The following ZNF142 variants were observed in gnomAD, a reference collection of about 807,000 sequenced individuals.
ZNF142 encodes the protein zinc finger protein 142, also known as zinc finger protein 142 (clone pHZ-49).
In ZNF142, 96 loss-of-function variants were observed where a neutral mutation model predicts 132.1. That is an observed-to-expected ratio of 0.73 (90% CI 0.62 to 0.86). ZNF142 has a LOEUF of 0.86. ZNF142 is among the 40% of genes least tolerant of loss of function. The pLI is 0.00. For missense variants in ZNF142, 2,163 were observed against 2,336.2 expected (o/e 0.93, Z 1.53); for synonymous variants, 842 against 890.1 (o/e 0.95, Z 0.96).
chr2:218,638,867 T>C, intron 10 of ZNF142, 59 bp from the exon 11 acceptor site: 7 of 1,343,838 alleles, frequency 5.2e-6, no homozygotes, highest in Non-Finnish European at 7.0e-6. Context: ...TACTGGGCCA[T>C]GGAGTTACTG....
chr2:218,644,488 C>A lies in ZNF142; in HGVS notation c.2628G>T (p.Gly876=). ...GRQEGSEAPH[G]GDLGGSPSPA... Reference sequence around the variant, plus strand: ...GGCTGGGACTGCCACCCAGGTCACCCCCATGGGGAGCCTCACTGCCCTCCT... The same window carrying A: ...GGCTGGGACTGCCACCCAGGTCACCACCATGGGGAGCCTCACTGCCCTCCT... Residue 876 remains glycine (G), a synonymous_variant, in exon 9 of 11, where the codon GGG becomes GGT. Coordinates refer to ENST00000411696, the MANE Select transcript of ZNF142 (RefSeq NM_001379659.1). This position sits in a 1 kb window ranked among gnomAD's most constrained non-coding sequence, Gnocchi z 4.6. The A allele has an allele frequency of 6.2e-7, 1 of 1,613,982 alleles. No individual in the cohort carries two copies. The highest frequency in any genetic ancestry group is 8.5e-7 in the Non-Finnish European group (1 of 1,180,024).
chr2:218,646,424 CA>C, intron 7 of ZNF142, 76 bp from the exon 8 acceptor site: 1 of 1,525,330 alleles, frequency 6.6e-7, no homozygotes, highest in Non-Finnish European at 8.9e-7. Context: ...TTTCTTCCAG[CA>C]AGCCTGCCCT....
chr2:218,636,751 CT>C lies in ZNF142; in HGVS notation c.*1587del. 2 of 705,810 alleles carry C rather than the reference CT, an allele frequency of 2.8e-6. No homozygotes were observed. Among genetic ancestry groups the C allele is most frequent in the Non-Finnish European group, 4.8e-6 (2 of 412,628 alleles). The allele number at this position is 705,810 out of a possible 1,614,324, so 43.7% of individuals were successfully genotyped here. ...AGCAATCTGGGACCTGATTTTCCAC[CT>C]TTTTTCTCTTTTCTTCCCTTCCTTT... On this transcript the variant is annotated 3_prime_UTR_variant, in exon 11 of 11. Coordinates refer to ENST00000411696, the MANE Select transcript of ZNF142 (RefSeq NM_001379659.1).
At chr2:218,655,941 C>G (rs1938441511) in intron 4 of ZNF142, among the ~76,000 whole-genome samples, 1 of 152,200 alleles carries the variant, frequency 6.6e-6, no homozygotes, top group Non-Finnish European at 1.5e-5. Context: ...CCTTGCAGGA[C>G]AGACTGCCAA....
In ZNF142 at chr2:218,638,305, T is replaced by C. The variant is rs368702779; in HGVS notation, c.*34A>G. 8 of 1,481,850 alleles carry C rather than the reference T, an allele frequency of 5.4e-6. No individual in the cohort carries two copies. Among genetic ancestry groups the C allele is most frequent in the Non-Finnish European group, 7.2e-6 (8 of 1,114,812 alleles). The allele number at this position is 1,481,850 out of a possible 1,614,324, so 91.8% of individuals were successfully genotyped here. A position where few individuals can be genotyped will look rare whatever the true frequency, so the allele number is the denominator to read the frequency against. ...GTCCCAGTCTGCACATCTCAGACCA[T>C]ACCCTCTTCCTATACAGGAGGTGGG... is the stretch of plus-strand genomic sequence containing the variant. On this transcript the variant is annotated 3_prime_UTR_variant, in exon 11 of 11. Coordinates refer to ENST00000411696, the MANE Select transcript of ZNF142 (RefSeq NM_001379659.1).
chr2:218,636,455 C>T lies in ZNF142; in HGVS notation c.*1884G>A, dbSNP rs749023385. ...CTCTGGCTGCCTTCCTAATGCTGTC[C>T]TCCTGCCCCTTCCAGGTTACCGCCA... is the stretch of plus-strand genomic sequence containing the variant. On this transcript the variant is annotated 3_prime_UTR_variant, in exon 11 of 11. Coordinates refer to ENST00000411696, the MANE Select transcript of ZNF142 (RefSeq NM_001379659.1). 74 of 1,613,908 alleles carry T rather than the reference C, an allele frequency of 4.6e-5. 2 individuals are homozygous for T. Among genetic ancestry groups the T allele is most frequent in the South Asian group, 4.4e-4 (40 of 91,078 alleles).
chr2:218,633,440 G>C lies in ZNF142; in HGVS notation c.*4899C>G. 2 of 809,888 alleles carry C rather than the reference G, an allele frequency of 2.5e-6. No individual in the cohort carries two copies. The highest frequency in any genetic ancestry group is 4.2e-6 in the Non-Finnish European group (2 of 479,832). The allele number at this position is 809,888 out of a possible 1,614,324, so 50.2% of individuals were successfully genotyped here. A position where few individuals can be genotyped will look rare whatever the true frequency, so the allele number is the denominator to read the frequency against. ...TATCTGTTGTCAGATTGTGGCCCAG[G>C]CTCCTATTTCCAAGCCTGAGTCCCT... On this transcript the variant is annotated 3_prime_UTR_variant, in exon 11 of 11. Coordinates refer to ENST00000411696, the MANE Select transcript of ZNF142 (RefSeq NM_001379659.1).
rs372969531 is a variant in ZNF142, at chr2:218,638,673, C to T, written c.5330G>A (p.Arg1777His). Reference protein sequence around the residue: ...CEQCGKAFKTRFLLRTHLRKH... With the variant: ...CEQCGKAFKTHFLLRTHLRKH... ...GCGAAGGTGGGTGCGCAGCAGGAAG[C>T]GCGTCTTGAAGGCCTTGCCACACTG... Residue 1777 changes from arginine to histidine, a missense_variant, in exon 11 of 11, where the codon CGC (arginine) becomes CAC (histidine). Arg to His is a conservative substitution (Grantham distance 29, BLOSUM62 0). Transcript: ENST00000411696. 28 of 1,614,066 alleles carry T rather than the reference C, an allele frequency of 1.7e-5. No individual in the cohort carries two copies. Among genetic ancestry groups the T allele is most frequent in the South Asian group, 6.6e-5 (6 of 91,090 alleles).
In ZNF142 at chr2:218,644,037, C is replaced by G. The variant is rs907230173; in HGVS notation, c.3079G>C (p.Val1027Leu). Residue 1027 changes from valine to leucine, a missense_variant, in exon 9 of 11, where the codon GTA (valine) becomes CTA (leucine). Transcript: ENST00000411696. The surrounding 1 kb of genome is among the most constrained non-coding windows in gnomAD (Gnocchi z 4.6). Reference sequence around the variant, plus strand: ...GCTCGCCCCTCTCCCTGGATCACTACCATCTGCACCCGCCCCTCTAGCACC... The same window carrying G: ...GCTCGCCCCTCTCCCTGGATCACTAGCATCTGCACCCGCCCCTCTAGCACC... The part of the protein sequence containing the change: ...ALVLEGRVQM[V>L]VIQGEGRAFR... 5 of 1,613,980 alleles carry G rather than the reference C, an allele frequency of 3.1e-6. No homozygotes were observed. The highest frequency in any genetic ancestry group is 4.2e-6 in the Non-Finnish European group (5 of 1,180,014).
In ZNF142 at chr2:218,642,538, G is replaced by A. The variant is rs200574990; in HGVS notation, c.4578C>T (p.Gly1526=). The change falls in exon 9 of 11, where the codon GGC becomes GGT. Residue 1526 remains glycine, a synonymous_variant. Transcript: ENST00000411696. The surrounding 1 kb of genome is among the most constrained non-coding windows in gnomAD (Gnocchi z 4.6). The part of the protein sequence containing the change: ...APGSPAETTE[G]PLHCSRCGLL... Reference sequence around the variant, plus strand: ...ACCCACAGCGGGAACAGTGCAGGGGGCCCTCAGTGGTCTCTGCAGGAGAGC... The same window carrying A: ...ACCCACAGCGGGAACAGTGCAGGGGACCCTCAGTGGTCTCTGCAGGAGAGC... The A allele has an allele frequency of 1.2e-6, 2 of 1,611,432 alleles. No homozygotes were observed. Among genetic ancestry groups the A allele is most frequent in the African/African-American group, 2.7e-5 (2 of 74,884 alleles).
At position 218,636,253 on chromosome 2, in the gene ZNF142, A is replaced by G; in HGVS notation, c.*2086T>C. 1 of 1,614,054 alleles carries G rather than the reference A, an allele frequency of 6.2e-7. No individual in the cohort carries two copies. The highest frequency in any genetic ancestry group is 2.2e-5 in the East Asian group (1 of 44,888). On this transcript the variant is annotated 3_prime_UTR_variant, in exon 11 of 11. Transcript: ENST00000411696. ...TGTCCACCAACTCAGGTTTTAATCC[A>G]TACTGGGGGCAGACACTATGTTTCC... is the stretch of plus-strand genomic sequence containing the variant.
chr2:218,638,242 G>A lies in ZNF142; in HGVS notation c.*97C>T, dbSNP rs557844517. On this transcript the variant is annotated 3_prime_UTR_variant, in exon 11 of 11. Transcript: ENST00000411696. ...AGTCACCCTTGTACCCCAAAAGCCAGTCTTTCCTTAGGCTCTGAGCTCCTC... is the reference window on the plus strand; with the variant it reads ...AGTCACCCTTGTACCCCAAAAGCCAATCTTTCCTTAGGCTCTGAGCTCCTC... The A allele has an allele frequency of 2.4e-6, 3 of 1,262,208 alleles. No homozygotes were observed. Among genetic ancestry groups the A allele is most frequent in the Non-Finnish European group, 3.1e-6 (3 of 964,128 alleles). 78.2% of individuals were successfully genotyped at this position (1,262,208 alleles called of 1,614,324 possible).
chr2:218,645,636 A>G (rs147037333), intron 8 of ZNF142, among the ~76,000 whole-genome samples: 94 of 152,298 alleles, frequency 6.2e-4, no homozygotes, highest in African/African-American at 1.9e-3. Context: ...CTGTAGGTCT[A>G]TACTCCCTTC....
At chr2:218,647,801 T>G (rs1244522482) in intron 7 of ZNF142, among the ~76,000 whole-genome samples, 1 of 152,196 alleles carries the variant, frequency 6.6e-6, no homozygotes, top group Non-Finnish European at 1.5e-5. Flanking sequence ...GCTAGCAATG[T>G]GGTATTCTGG....
intron 3 of ZNF142, among the ~76,000 whole-genome samples, chr2:218,657,038 G>C (rs1325015913): frequency 6.6e-6 from 1 of 152,196 alleles, no homozygotes; most frequent in African/African-American, 2.4e-5. Context: ...GGCTGGTCTC[G>C]AACTTCTGAC....
Position 218,635,960 on chromosome 2 carries a change from G to A in ZNF142, c.*2379C>T. On this transcript the variant is annotated 3_prime_UTR_variant, in exon 11 of 11. Coordinates refer to ENST00000411696, the MANE Select transcript of ZNF142 (RefSeq NM_001379659.1). ...AGAAACTGGCAGTGCTGGGGAGGTG[G>A]GGGTAGGAGCATGATTAGTTTTCCT... 6.2e-7 allele frequency: 1 copy of A among 1,613,806 alleles called. No individual in the cohort carries two copies. The highest frequency in any genetic ancestry group is 1.1e-5 in the South Asian group (1 of 91,062).
intron 9 of ZNF142, 57 bp downstream of exon 9, chr2:218,641,971 G>A: frequency 2.7e-5 from 43 of 1,565,624 alleles, no homozygotes; most frequent in Non-Finnish European, 3.6e-5. Context: ...AACCAAGGCA[G>A]TTTAACTCCA....
chr2:218,649,366 T>C lies in ZNF142; in HGVS notation c.1142A>G (p.His381Arg), dbSNP rs1387167506. The C allele has an allele frequency of 3.7e-6, 6 of 1,614,132 alleles. No homozygotes were observed. The highest frequency in any genetic ancestry group is 5.1e-6 in the Non-Finnish European group (6 of 1,180,018). Residue 381 changes from histidine to arginine, a missense_variant, in exon 7 of 11, where the codon CAC becomes CGC. This residue lies in a region of ZNF142 where 749 missense variants were observed against 830.3 expected (regional missense o/e 0.90). Coordinates refer to ENST00000411696, the MANE Select transcript of ZNF142 (RefSeq NM_001379659.1). The stretch of plus-strand genomic sequence containing the variant: ...GGGGTCTGGGAAGTGGAGATGCAGG[T>C]GCTCCACCAGATGAGTCCGCTTCTT... Reference protein sequence around the residue: ...CFKKRTHLVEHLHLHFPDPSL... With the variant: ...CFKKRTHLVERLHLHFPDPSL...
intron 10 of ZNF142, among the ~76,000 whole-genome samples, chr2:218,639,592 C>T (rs937478235): frequency 2.0e-5 from 3 of 151,908 alleles, no homozygotes; most frequent in Admixed American, 1.3e-4. Flanking sequence ...ATTAGGTGGG[C>T]GTGGTGGCGT....
Sources: gnomAD v4.1 joint callset for allele counts (sites outside exome capture counted in the v4.1 genomes callset) on GRCh38, gnomAD v4.1.1 for gene constraint, gnomAD v4.1.1 regional missense constraint, Gnocchi (gnomAD v3.1) non-coding constraint, MANE v1.5 for transcripts, NCBI Gene and HGNC (gene_info 2026-07-23, HGNC 2026-07-21) for gene names.